The following POLA1 variants were observed in gnomAD, a reference collection of about 807,000 sequenced individuals.
POLA1 encodes DNA polymerase alpha catalytic subunit.
Under a neutral mutation model 124.0 loss-of-function variants are expected in POLA1, and 15 were observed. The ratio of observed to expected loss-of-function variants is 0.12; its 90% CI spans 0.08 to 0.19. The LOEUF is 0.19. Ranked by LOEUF, POLA1 falls within the 10% of genes least tolerant of loss-of-function variation. POLA1 has a pLI of 1.00. For synonymous variants in POLA1, 408 were observed against 389.4 expected (o/e 1.05, Z -0.56); for missense variants, 886 against 1,103.4 (o/e 0.80, Z 2.79).
intron 34 of POLA1, among the ~76,000 whole-genome samples, chrX:24,865,538 ATAG>A (rs2046782370): frequency 8.9e-6 from 1 of 112,163 alleles, no homozygotes; most frequent in Non-Finnish European, 1.9e-5. Flanking sequence ...TCATTATATA[ATAG>A]TAGCATGAAT....
intron 36 of POLA1, among the ~76,000 whole-genome samples, chrX:24,936,168 A>G (rs1015951378): frequency 1.1e-4 from 12 of 112,488 alleles, no homozygotes; most frequent in African/African-American, 3.9e-4. Flanking sequence ...AACAAAGACA[A>G]CAGCTAGTAC....
intron 26 of POLA1, among the ~76,000 whole-genome samples, chrX:24,765,915 A>G (rs765664756): frequency 3.6e-5 from 4 of 111,683 alleles, no homozygotes; most frequent in Non-Finnish European, 7.5e-5. Context: ...TTTGTTACCT[A>G]TGAATGTGCT....
chrX:24,908,745 T>C (rs1301364958), intron 35 of POLA1, among the ~76,000 whole-genome samples: 3 of 111,569 alleles, frequency 2.7e-5, no homozygotes, highest in Non-Finnish European at 5.6e-5. Context: ...TTTAGGTATA[T>C]ACCCAGTAAT....
chrX:24,925,786 C>T (rs2047681351), intron 35 of POLA1, among the ~76,000 whole-genome samples: 1 of 111,563 alleles, frequency 9.0e-6, no homozygotes, highest in African/African-American at 3.3e-5. Flanking sequence ...GAGTCTTGCT[C>T]TGTTGCCCAG....
intron 36 of POLA1, among the ~76,000 whole-genome samples, chrX:24,946,796 G>T (rs2047966973): frequency 8.9e-6 from 1 of 111,855 alleles, no homozygotes; most frequent in Non-Finnish European, 1.9e-5. Context: ...CTAATAAATG[G>T]TATGTTAAAT....
At chrX:24,819,529 A>G (rs1199137642) in intron 30 of POLA1, among the ~76,000 whole-genome samples, 1 of 112,102 alleles carries the variant, frequency 8.9e-6, no homozygotes, top group Non-Finnish European at 1.9e-5. Flanking sequence ...AAACAGTTGC[A>G]CAAATGCTTT....
rs186068971 is a variant in POLA1 at position 24,822,114 on chromosome X, A to G, written c.3561+531A>G. ...CCCTTCCTTCTCCGTTTCACAAGGT[A>G]CCTCTAGGCCTTCTGGAACACAGTT... On this transcript the variant is annotated intron_variant, in intron 31 of 36. Transcript: ENST00000379068. Among the ~76,000 whole-genome samples, 10 of 109,668 alleles carry G rather than the reference A, an allele frequency of 9.1e-5. No homozygotes were observed. In the East Asian group the frequency reaches 2.6e-3, roughly 28 times the overall value.
chrX:24,978,120 G>C (rs2048385616), intron 36 of POLA1, among the ~76,000 whole-genome samples: 1 of 111,817 alleles, frequency 8.9e-6, no homozygotes. Context: ...GTGAGGATTT[G>C]GGAGTTTACA....
intron 26 of POLA1, among the ~76,000 whole-genome samples, chrX:24,775,020 T>A (rs897103999): frequency 3.6e-5 from 4 of 112,481 alleles, no homozygotes; most frequent in Non-Finnish European, 7.5e-5. Context: ...GTCTTTTTTT[T>A]AAATGTGATG....
At chrX:24,840,659 C>T (rs1467639078) in intron 32 of POLA1, among the ~76,000 whole-genome samples, 1 of 112,203 alleles carries the variant, frequency 8.9e-6, no homozygotes, top group African/African-American at 3.2e-5. Context: ...GAGCTTTTGG[C>T]TTAGTGACTG....
intron 17 of POLA1, chrX:24,734,046 G>A (rs1011815455): frequency 8.3e-6 from 2 of 242,386 alleles, no homozygotes; most frequent in Non-Finnish European, 1.5e-5. Flanking sequence ...CTGTATTGGT[G>A]GTTGGATAGG....
chrX:24,789,033 G>C (rs2148464586), intron 26 of POLA1: 1 of 1,207,806 alleles, frequency 8.3e-7, no homozygotes, highest in East Asian at 3.0e-5. Context: ...TTGAGCACCT[G>C]GAGGCCGGCG....
At chrX:24,855,021 A>G (rs753010773) in intron 34 of POLA1, among the ~76,000 whole-genome samples, 1 of 111,918 alleles carries the variant, frequency 8.9e-6, no homozygotes, top group Admixed American at 9.5e-5. Context: ...AAAATGTGAG[A>G]TAAATGTTAA....
chrX:24,980,338 C>G (rs2048407787), intron 36 of POLA1, among the ~76,000 whole-genome samples: 1 of 112,023 alleles, frequency 8.9e-6, no homozygotes, highest in African/African-American at 3.2e-5. Context: ...TGAACTCTGA[C>G]CACACTGTAG....
chrX:24,750,194 G>A (rs926662225), intron 26 of POLA1, among the ~76,000 whole-genome samples: 5 of 112,318 alleles, frequency 4.5e-5, no homozygotes, highest in Admixed American at 9.4e-5. Context: ...CACATGGCCC[G>A]CAAAGCCTGA....
At chrX:24,718,839 G>A (rs7885002) in intron 10 of POLA1, among the ~76,000 whole-genome samples, 2 of 111,823 alleles carry the variant, frequency 1.8e-5, no homozygotes, top group African/African-American at 6.5e-5. Flanking sequence ...AGAAGTAAAG[G>A]CATTTGACAT....
At position 24,727,775 on chromosome X, in the gene POLA1, C is replaced by G; in HGVS notation, c.1532-7C>G. 8.3e-7 allele frequency: 1 copy of G among 1,201,477 alleles called. No individual in the cohort carries two copies. Among genetic ancestry groups the G allele is most frequent in the Non-Finnish European group, 1.1e-6 (1 of 887,170 alleles). On this transcript the variant is annotated splice_polypyrimidine_tract_variant and splice_region_variant and intron_variant, in intron 14 of 36. Coordinates refer to ENST00000379068, the MANE Select transcript of POLA1 (RefSeq NM_001330360.2). ...GCTATTGATCTGTTGTATCTATTCTCTTTCAGAGCTCTTGAATCAGCCAGT... is the reference window on the plus strand; with the variant it reads ...GCTATTGATCTGTTGTATCTATTCTGTTTCAGAGCTCTTGAATCAGCCAGT...
chrX:24,993,280 G>C (rs1416075356), intron 36 of POLA1, among the ~76,000 whole-genome samples: 1 of 112,297 alleles, frequency 8.9e-6, no homozygotes, highest in Non-Finnish European at 1.9e-5. Flanking sequence ...GGTTGGCTTT[G>C]TGGTGCTGGT....
At chrX:24,990,707 G>A (rs1242139799) in intron 36 of POLA1, among the ~76,000 whole-genome samples, 6 of 112,253 alleles carry the variant, frequency 5.3e-5, no homozygotes, top group Non-Finnish European at 1.1e-4. Context: ...CGCTGAAGCT[G>A]ATCCAGTGGC....
Sources: gnomAD v4.1 joint callset for allele counts (sites outside exome capture counted in the v4.1 genomes callset) on GRCh38, gnomAD v4.1.1 for gene constraint, MANE v1.5 for transcripts, NCBI Gene and HGNC (gene_info 2026-07-23, HGNC 2026-07-21) for gene names.